Variants in RBM18 observed in about 807,000 individuals in gnomAD.
RBM18 encodes probable RNA-binding protein 18.
In RBM18, 18 loss-of-function variants were observed where a neutral mutation model predicts 26.4. The ratio of observed to expected loss-of-function variants is 0.68; its 90% CI spans 0.47 to 1.01. RBM18 has a LOEUF of 1.01. RBM18 is among the 50% of genes least tolerant of loss of function. The pLI, the probability that RBM18 is intolerant of heterozygous loss-of-function variation, is 0.00. For missense variants in RBM18, 180 were observed against 219.2 expected (o/e 0.82, Z 1.13); for synonymous variants, 74 against 81.1 (o/e 0.91, Z 0.47).
In RBM18 at chr9:122,258,909, A is replaced by C. The variant is rs1407098083; in HGVS notation, c.113+2471T>G. Among the ~76,000 whole-genome samples, 3 of 12,610 alleles carry C rather than the reference A, an allele frequency of 2.4e-4. No individual in the cohort carries two copies. The Admixed American group carries it at 4.8e-3, about 20-fold the overall frequency. The allele number at this position is 12,610 out of a possible 152,430, so 8.3% of individuals were successfully genotyped here. ...CTCAAGCCTGGGTGACAGAGCTGTC[A>C]AAAAAAAAAAAAAAAAAGAAGAAGA... On this transcript the variant is annotated intron_variant, in intron 2 of 5. Coordinates refer to ENST00000417201, the MANE Select transcript of RBM18 (RefSeq NM_033117.4).
rs10760214 is a variant in RBM18, at chr9:122,239,967, G to A, written c.*1917C>T. Reference sequence around the variant, plus strand: ...GAAACAAGCCTGTCAGAGAACTGCAGTCTATGCCAGTAAGTGAACGAGAGA... The same window carrying A: ...GAAACAAGCCTGTCAGAGAACTGCAATCTATGCCAGTAAGTGAACGAGAGA... On this transcript the variant is annotated 3_prime_UTR_variant, in exon 6 of 6. Transcript: ENST00000417201. 0.48 allele frequency: 72,860 copies of A among 152,114 alleles called. 18,356 individuals are homozygous for A. The highest frequency in any genetic ancestry group is 0.83 in the East Asian group (4,311 of 5,182). The allele number at this position is 152,114 out of a possible 1,614,324, so 9.4% of individuals were successfully genotyped here.
chr9:122,241,789 G>A lies in RBM18; in HGVS notation c.*95C>T, dbSNP rs1205143029. On this transcript the variant is annotated 3_prime_UTR_variant, in exon 6 of 6. Coordinates refer to ENST00000417201, the MANE Select transcript of RBM18 (RefSeq NM_033117.4). ...AAATGCTAACATGTGATTGTGCTCC[G>A]TTGAATAGTACCATTCACATCTACA... The A allele has an allele frequency of 2.1e-5, 22 of 1,024,062 alleles. No homozygotes were observed. The highest frequency in any genetic ancestry group is 4.3e-4 in the Middle Eastern group (2 of 4,620). 63.4% of individuals were successfully genotyped at this position (1,024,062 alleles called of 1,614,324 possible). A position where few individuals can be genotyped will look rare whatever the true frequency, so the allele number is the denominator to read the frequency against.
intron 3 of RBM18, among the ~76,000 whole-genome samples, 167 bp from the exon 4 acceptor site, chr9:122,247,771 A>G (rs551556407): frequency 2.6e-4 from 37 of 143,506 alleles, no homozygotes; most frequent in Middle Eastern, 3.6e-3. Flanking sequence ...TAAAAAGGGC[A>G]TGGTTTTTTT....
intron 5 of RBM18, among the ~76,000 whole-genome samples, chr9:122,243,535 C>G (rs915857965): frequency 6.6e-6 from 1 of 152,140 alleles, no homozygotes; most frequent in South Asian, 2.1e-4. Flanking sequence ...TCATTGCTAT[C>G]CCTGGATCAG....
chr9:122,261,259 A>C, intron 2 of RBM18, 121 bp downstream of exon 2: 2 of 686,766 alleles, frequency 2.9e-6, no homozygotes. Context: ...TATCTCTCCG[A>C]AGACACGATG....
chr9:122,248,212 G>A (rs1588380342), intron 3 of RBM18, among the ~76,000 whole-genome samples: 1 of 152,166 alleles, frequency 6.6e-6, no homozygotes, highest in East Asian at 1.9e-4. Flanking sequence ...GATAAATAAT[G>A]TATAATCTTT....
At chr9:122,249,542 T>C (rs915899860) in intron 3 of RBM18, among the ~76,000 whole-genome samples, 15 of 150,674 alleles carry the variant, frequency 1.0e-4, no homozygotes, top group African/African-American at 3.4e-4. Context: ...AACCCCCGCT[T>C]CTACAAAAAA....
intron 2 of RBM18, among the ~76,000 whole-genome samples, chr9:122,257,667 T>C (rs1357878670): frequency 1.3e-5 from 2 of 152,208 alleles, no homozygotes; most frequent in African/African-American, 4.8e-5. Flanking sequence ...AAAGTGGTTA[T>C]TTAAAAAAAA....
At chr9:122,261,318 G>A in intron 2 of RBM18, 62 bp downstream of exon 2, 1 of 1,169,300 alleles carries the variant, frequency 8.6e-7, no homozygotes, top group Non-Finnish European at 1.3e-6. Flanking sequence ...AATTCTTCTT[G>A]ACATCATCAC....
intron 3 of RBM18, among the ~76,000 whole-genome samples, chr9:122,249,481 A>G (rs1831563119): frequency 6.6e-6 from 1 of 152,052 alleles, no homozygotes; most frequent in South Asian, 2.1e-4. Context: ...GGGAGGCCGA[A>G]GCAGGCTGGT....
At chr9:122,243,956 G>A (rs1450844695) in intron 5 of RBM18, 1 of 676,892 alleles carries the variant, frequency 1.5e-6, no homozygotes, top group Admixed American at 6.3e-5. Flanking sequence ...CATGTTCATT[G>A]TAACATGAAG....
At chr9:122,245,207 T>C (rs1468359610) in intron 5 of RBM18, 49 bp downstream of exon 5, 1 of 1,059,858 alleles carries the variant, frequency 9.4e-7, no homozygotes. Flanking sequence ...AATAATGAAA[T>C]GGCTGAAGCT....
At chr9:122,253,140 A>ACT (rs1831632696) in intron 2 of RBM18, among the ~76,000 whole-genome samples, 1 of 152,246 alleles carries the variant, frequency 6.6e-6, no homozygotes, top group Non-Finnish European at 1.5e-5. Flanking sequence ...GGGAGTCAGT[A>ACT]AAGTTGTCGT....
At position 122,245,284 on chromosome 9, in the gene RBM18, T is replaced by C; in HGVS notation, c.385A>G (p.Ser129Gly). ...ILPISLEPSSSTEPTQSNLSV... is the reference protein window; with the variant it reads ...ILPISLEPSSGTEPTQSNLSV... ...AGGTTAGACTGAGTAGGCTCAGTGC[T>C]TGAGGATGGCTCGAGACTGATTGGA... The change falls in exon 5 of 6, where the codon AGC becomes GGC. Residue 129 changes from serine to glycine, a missense_variant. Ser to Gly is a moderately conservative substitution (Grantham distance 56). Transcript: ENST00000417201. 6.2e-7 allele frequency: 1 copy of C among 1,609,944 alleles called. No homozygotes were observed. Among genetic ancestry groups the C allele is most frequent in the East Asian group, 2.2e-5 (1 of 44,856 alleles).
chr9:122,246,338 A>G (rs1831505168), intron 4 of RBM18, among the ~76,000 whole-genome samples: 1 of 152,184 alleles, frequency 6.6e-6, no homozygotes, highest in Non-Finnish European at 1.5e-5. Flanking sequence ...TAAAAAGCAA[A>G]TATAATATTG....
chr9:122,258,038 A>C (rs945955144), intron 2 of RBM18, among the ~76,000 whole-genome samples: 1 of 152,316 alleles, frequency 6.6e-6, no homozygotes, highest in Middle Eastern at 3.4e-3. Context: ...TAATCCTTCA[A>C]TGTTTGGGAA....
In RBM18 at chr9:122,241,794, A is replaced by G; in HGVS notation, c.*90T>C. Reference sequence around the variant, plus strand: ...CTAACATGTGATTGTGCTCCGTTGAATAGTACCATTCACATCTACAAAGTA... The same window carrying G: ...CTAACATGTGATTGTGCTCCGTTGAGTAGTACCATTCACATCTACAAAGTA... On this transcript the variant is annotated 3_prime_UTR_variant, in exon 6 of 6. Coordinates refer to ENST00000417201, the MANE Select transcript of RBM18 (RefSeq NM_033117.4). 1 of 1,084,702 alleles carries G rather than the reference A, an allele frequency of 9.2e-7. No homozygotes were observed. Among genetic ancestry groups the G allele is most frequent in the Non-Finnish European group, 1.4e-6 (1 of 733,990 alleles). 67.2% of individuals were successfully genotyped at this position (1,084,702 alleles called of 1,614,324 possible). A position where few individuals can be genotyped will look rare whatever the true frequency, so the allele number is the denominator to read the frequency against.
intron 2 of RBM18, among the ~76,000 whole-genome samples, chr9:122,257,011 A>T (rs1831707806): frequency 6.6e-6 from 1 of 152,202 alleles, no homozygotes; most frequent in Admixed American, 6.5e-5. Flanking sequence ...CTCAAATCCT[A>T]ATCTCCAAGA....
intron 2 of RBM18, 43 bp from the exon 3 acceptor site, chr9:122,252,016 G>A (rs746210622): frequency 6.2e-7 from 1 of 1,606,818 alleles, no homozygotes; most frequent in East Asian, 2.2e-5. Flanking sequence ...TGGGAATTCT[G>A]TTGGCCACTC....
Sources: allele counts gnomAD v4.1 joint callset (sites outside exome capture counted in the v4.1 genomes callset), GRCh38; gene constraint gnomAD v4.1.1; transcripts MANE v1.5; gene names NCBI Gene and HGNC (gene_info 2026-07-23, HGNC 2026-07-21).